The following RBM6 variants were observed in gnomAD, a reference collection of about 807,000 sequenced individuals.
The protein encoded by RBM6 is RNA binding motif protein 6.
Under a neutral mutation model 140.4 loss-of-function variants are expected in RBM6, and 23 were observed. The ratio of observed to expected loss-of-function variants is 0.16; its 90% confidence interval spans 0.12 to 0.23. RBM6 has a LOEUF of 0.23. RBM6 is among the 10% of genes least tolerant of loss of function. RBM6 has a pLI of 1.00. For missense variants in RBM6, 1,139 were observed against 1,386.7 expected, an observed-to-expected ratio of 0.82 and a Z score of 2.84; for synonymous variants, 439 against 475.6, an observed-to-expected ratio of 0.92 and a Z score of 1.00.
At chr3:50,040,445 CAAAAAAAAAAA>C (rs1163542465) in intron 6 of RBM6, among the ~76,000 whole-genome samples, 23 of 67,654 alleles carry the variant, frequency 3.4e-4, no homozygotes, top group African/African-American at 1.2e-3. Flanking sequence ...GGCTCCTTCT[CAAAAAAAAAAA>C]AAAAAAAAAA....
intron 5 of RBM6, among the ~76,000 whole-genome samples, chr3:49,995,749 TC>T (rs748859041): frequency 2.6e-5 from 4 of 152,284 alleles, no homozygotes; most frequent in African/African-American, 4.8e-5. Context: ...AATAAGTCTG[TC>T]CATGGGAAGG....
In RBM6 at chr3:49,962,617, G is replaced by A. The variant is rs767783910; in HGVS notation, c.-25G>A. The stretch of plus-strand genomic sequence containing the variant: ...AATTTGGTAGAAAAAGGATTTACTT[G>A]TTGGGGCCCTCTTGATAAAAAGAGA... On this transcript the variant is annotated 5_prime_UTR_variant, in exon 2 of 21. Transcript: ENST00000266022. 6.3e-7 allele frequency: 1 copy of A among 1,587,544 alleles called. No individual in the cohort carries two copies. The highest frequency in any genetic ancestry group is 8.5e-7 in the Non-Finnish European group (1 of 1,171,232).
chr3:49,976,998 T>C (rs564275931), intron 5 of RBM6, among the ~76,000 whole-genome samples: 19 of 152,346 alleles, frequency 1.2e-4, no homozygotes, highest in African/African-American at 3.6e-4. Context: ...GCTAGTTTCA[T>C]GTTATTTATA....
chr3:50,029,116 G>T (rs916913488), intron 6 of RBM6, among the ~76,000 whole-genome samples: 4 of 152,206 alleles, frequency 2.6e-5, no homozygotes, highest in Non-Finnish European at 5.9e-5. Flanking sequence ...GGTCAGTTTA[G>T]GTTGTCTAGG....
At chr3:49,980,230 C>T (rs1004439396) in intron 5 of RBM6, among the ~76,000 whole-genome samples, 2 of 151,790 alleles carry the variant, frequency 1.3e-5, no homozygotes, top group African/African-American at 2.4e-5. Flanking sequence ...GTCTTGAACA[C>T]CTGACCTCAG....
At chr3:50,006,107 C>T (rs12629553) in intron 6 of RBM6, among the ~76,000 whole-genome samples, 7,856 of 146,478 alleles carry the variant, frequency 0.054, 269 homozygotes, top group Non-Finnish European at 0.077. Context: ...TTCGCCCAGG[C>T]TGTAGCGCAG....
chr3:49,952,813 T>A (rs2083798784), intron 1 of RBM6, among the ~76,000 whole-genome samples: 1 of 152,180 alleles, frequency 6.6e-6, no homozygotes, highest in South Asian at 2.1e-4. Flanking sequence ...TTCTTTTTGT[T>A]ACTGAGTTGA....
chr3:49,976,468 G>A (rs948749374), intron 5 of RBM6, among the ~76,000 whole-genome samples: 1 of 152,162 alleles, frequency 6.6e-6, no homozygotes, highest in Non-Finnish European at 1.5e-5. Context: ...CCCTGAATTT[G>A]TGGAAGCATG....
chr3:49,942,249 G>A (rs1016696778), intron 1 of RBM6, among the ~76,000 whole-genome samples: 3 of 151,790 alleles, frequency 2.0e-5, no homozygotes, highest in African/African-American at 7.3e-5. Context: ...CAGCACTTTG[G>A]GACGCCGAGG....
chr3:50,033,413 C>T (rs551376420), intron 6 of RBM6, among the ~76,000 whole-genome samples: 1 of 152,038 alleles, frequency 6.6e-6, no homozygotes, highest in Non-Finnish European at 1.5e-5. Flanking sequence ...CAGTACAAAA[C>T]TACTAAATTT....
chr3:50,019,888 G>T (rs1449860381), intron 6 of RBM6, among the ~76,000 whole-genome samples: 1 of 150,988 alleles, frequency 6.6e-6, no homozygotes, highest in African/African-American at 2.4e-5. Context: ...TTCTTCTTCA[G>T]CATGTCGATG....
chr3:50,009,790 C>T (rs2086757445), intron 6 of RBM6, among the ~76,000 whole-genome samples: 1 of 152,014 alleles, frequency 6.6e-6, no homozygotes, highest in African/African-American at 2.4e-5. Context: ...GCCTTTTGCT[C>T]CTGGACTCAA....
In RBM6 at chr3:50,018,280, A is replaced by G. The variant is rs753817535; in HGVS notation, c.1557+18767A>G. Among the ~76,000 whole-genome samples the G allele has an allele frequency of 7.9e-5, 12 of 152,302 alleles. No homozygotes were observed. In the Middle Eastern group the frequency reaches 0.014, roughly 173 times the overall value. ...ATATAGTTGGAATTGGACAATATGTAGCCTTTTCAGATTGGCTTCTTTCAT... is the reference window on the plus strand; with the variant it reads ...ATATAGTTGGAATTGGACAATATGTGGCCTTTTCAGATTGGCTTCTTTCAT... On this transcript the variant is annotated intron_variant, in intron 6 of 20. Coordinates refer to ENST00000266022, the MANE Select transcript of RBM6 (RefSeq NM_005777.3).
Position 49,967,017 on chromosome 3 carries a change from G to C in RBM6, c.45-453G>C, listed in dbSNP as rs60167392. The stretch of plus-strand genomic sequence containing the variant: ...TTTGAATGTTACCGCTGGATGCAGC[G>C]TGAGAAAGATACCTCCTGAAACTTA... On this transcript the variant is annotated intron_variant, in intron 2 of 20. Coordinates refer to ENST00000266022, the MANE Select transcript of RBM6 (RefSeq NM_005777.3). This position sits in a 1 kb window ranked among gnomAD's most constrained non-coding sequence, Gnocchi z 4.0. 6.3e-3 allele frequency among the ~76,000 whole-genome samples: 961 copies of C among 152,230 alleles called. 12 individuals are homozygous for C. Among genetic ancestry groups the C allele is most frequent in the African/African-American group, 0.022 (910 of 41,526 alleles).
At chr3:49,945,470 C>A (rs1306697657) in intron 1 of RBM6, among the ~76,000 whole-genome samples, 1 of 152,058 alleles carries the variant, frequency 6.6e-6, no homozygotes, top group East Asian at 1.9e-4. Flanking sequence ...TAGCAGTGTA[C>A]AAAGGTTTTG....
chr3:50,068,372 G>A (rs1284957073), intron 17 of RBM6, among the ~76,000 whole-genome samples: 1 of 152,180 alleles, frequency 6.6e-6, no homozygotes, highest in Non-Finnish European at 1.5e-5. Flanking sequence ...GTATGGCAGA[G>A]TATGTGGGCA....
chr3:50,042,735 G>A (rs551579211), intron 6 of RBM6, among the ~76,000 whole-genome samples: 56 of 151,954 alleles, frequency 3.7e-4, no homozygotes, highest in African/African-American at 1.2e-3. Flanking sequence ...CAACAGAAGC[G>A]AGACCCTGTC....
chr3:49,969,451 A>G (rs1043314642), intron 3 of RBM6, among the ~76,000 whole-genome samples: 8 of 146,034 alleles, frequency 5.5e-5, no homozygotes, highest in East Asian at 2.0e-4. Context: ...GATCATATAT[A>G]TGTGTGTGTG....
intron 17 of RBM6, among the ~76,000 whole-genome samples, chr3:50,067,313 T>C (rs866270977): frequency 2.0e-4 from 31 of 152,168 alleles, no homozygotes; most frequent in African/African-American, 7.2e-4. Flanking sequence ...ATTAAGGTTA[T>C]GCCTACCCTC....
Sources: gnomAD v4.1 joint callset for allele counts (sites outside exome capture counted in the v4.1 genomes callset) on GRCh38, gnomAD v4.1.1 for gene constraint, Gnocchi (gnomAD v3.1) non-coding constraint, MANE v1.5 for transcripts, NCBI Gene and HGNC (gene_info 2026-07-23, HGNC 2026-07-21) for gene names.